CASKIN1: variants seen among roughly 807,000 people sequenced by gnomAD.
CASKIN1 encodes the protein caskin-1.
CASKIN1 carries 42 observed loss-of-function variants against 117.5 expected under a neutral mutation model. The ratio of observed to expected loss-of-function variants is 0.36; its 90% CI spans 0.28 to 0.46. The LOEUF (loss-of-function observed/expected upper bound fraction) is 0.46, where lower values mean the gene tolerates loss of function less well. Among genes scored for constraint, CASKIN1 ranks in the 20% least tolerant of loss-of-function variants. The pLI is 1.00. For synonymous variants in CASKIN1, 1,148 were observed against 961.7 expected (o/e 1.19, Z -3.59); for missense variants, 2,083 against 2,077.3 (o/e 1.00, Z -0.05).
chr16:2,184,778 T>A lies in CASKIN1; in HGVS notation c.1415A>T (p.Lys472Met). The A allele has an allele frequency of 6.6e-7, 1 of 1,517,588 alleles. No homozygotes were observed. The highest frequency in any genetic ancestry group is 8.8e-7 in the Non-Finnish European group (1 of 1,133,368). 94.0% of individuals were successfully genotyped at this position (1,517,588 alleles called of 1,614,324 possible). A position where few individuals can be genotyped will look rare whatever the true frequency, so the allele number is the denominator to read the frequency against. The change falls in exon 14 of 20, where the codon AAG becomes ATG. Residue 472 changes from lysine (K) to methionine (M), a missense_variant and splice_region_variant. Physicochemically the swap from Lys to Met is moderately conservative, Grantham distance 95 (BLOSUM62 -1). Transcript: ENST00000343516. Reference protein sequence around the residue: ...PKKLEPASEGKSSEAVSQWLT... With the variant: ...PKKLEPASEGMSSEAVSQWLT... Reference sequence around the variant, plus strand: ...TGAGAACACCCCCAAGCCCTGTACCTTGCCCTCCGATGCTGGCTCCAGCTT... The same window carrying A: ...TGAGAACACCCCCAAGCCCTGTACCATGCCCTCCGATGCTGGCTCCAGCTT...
At position 2,181,476 on chromosome 16, in the gene CASKIN1, A is replaced by T. The variant is rs1185097927; in HGVS notation, c.1892T>A (p.Ile631Asn). ...GGGCTCAGGCGGGGGCGGCGACTCG[A>T]TGGCCATCACTTCAAGAGACTGGGG... ...KAPQSLEVMA[I>N]ESPPPPEPTP... The change falls in exon 18 of 20, where the codon ATC (isoleucine) becomes AAC (asparagine). Residue 631 changes from isoleucine to asparagine, a missense_variant. By Grantham distance (149) the Ile-to-Asn change is moderately radical (BLOSUM62 -3). Transcript: ENST00000343516. 2 of 1,611,528 alleles carry T rather than the reference A, an allele frequency of 1.2e-6. No homozygotes were observed. Among genetic ancestry groups the T allele is most frequent in the South Asian group, 2.2e-5 (2 of 91,002 alleles).
intron 10 of CASKIN1, 37 bp downstream of exon 10, chr16:2,186,670 G>C: frequency 6.3e-7 from 1 of 1,577,394 alleles, no homozygotes; most frequent in Middle Eastern, 1.7e-4. Flanking sequence ...CAAGCCCAGG[G>C]GCTCCTGCCT....
At chr16:2,192,214 G>A (rs574981674) in intron 1 of CASKIN1, among the ~76,000 whole-genome samples, 8 of 152,102 alleles carry the variant, frequency 5.3e-5, no homozygotes, top group South Asian at 2.1e-4. Flanking sequence ...CGGGAGGATC[G>A]CTTGAGCCCA....
In CASKIN1 at chr16:2,186,994, G is replaced by A; in HGVS notation, c.914C>T (p.Ala305Val). 6.2e-7 allele frequency: 1 copy of A among 1,613,722 alleles called. No homozygotes were observed. The highest frequency in any genetic ancestry group is 8.5e-7 in the Non-Finnish European group (1 of 1,179,900). The change falls in exon 9 of 20, where the codon GCA (alanine) becomes GTA (valine). Residue 305 changes from alanine to valine, a missense_variant. Physicochemically the swap from Ala to Val is moderately conservative, Grantham distance 64. Coordinates refer to ENST00000343516, the MANE Select transcript of CASKIN1 (RefSeq NM_020764.4). ...NYDLTSLNVK[A>V]GDIITVLEQH... ...CATGCTTACTGTGATGATGTCCCCT[G>A]CCTTCACGTTGAGGCTGGTCAGGTC...
chr16:2,189,842 G>A (rs1246294583), intron 3 of CASKIN1, among the ~76,000 whole-genome samples: 2 of 151,998 alleles, frequency 1.3e-5, no homozygotes, highest in African/African-American at 2.4e-5. Flanking sequence ...GGGAATGCTG[G>A]GAGCTGACCC....
chr16:2,187,259 G>A lies in CASKIN1; in HGVS notation c.742C>T (p.His248Tyr), dbSNP rs1283062641. 6.2e-7 allele frequency: 1 copy of A among 1,614,030 alleles called. No individual in the cohort carries two copies. Among genetic ancestry groups the A allele is most frequent in the East Asian group, 2.2e-5 (1 of 44,874 alleles). ...RLLLDSGINA[H>Y]VRNTYSQTAL... The stretch of plus-strand genomic sequence containing the variant: ...GTCTGGCTGTAGGTGTTCCTCACGT[G>A]GGCATTGATCCCGCTCTGCACATGT... The change falls in exon 8 of 20, where the codon CAC (histidine) becomes TAC (tyrosine). Residue 248 changes from histidine (H) to tyrosine (Y), a missense_variant. His to Tyr is a moderately conservative substitution (Grantham distance 83, BLOSUM62 2). This residue lies in a region of CASKIN1 where 203 missense variants were observed against 338.7 expected (regional missense o/e 0.60). Coordinates refer to ENST00000343516, the MANE Select transcript of CASKIN1 (RefSeq NM_020764.4).
chr16:2,189,671 G>C, intron 3 of CASKIN1, 107 bp from the exon 4 acceptor site: 1 of 1,130,156 alleles, frequency 8.8e-7, no homozygotes, highest in Non-Finnish European at 1.2e-6. Flanking sequence ...AACCCTGGGG[G>C]GTGGGAGGGC....
intron 1 of CASKIN1, among the ~76,000 whole-genome samples, chr16:2,195,740 G>C (rs1330908329): frequency 6.6e-6 from 1 of 152,216 alleles, no homozygotes; most frequent in Non-Finnish European, 1.5e-5. Flanking sequence ...GCCCTGCCTG[G>C]AGTCCAGCCT....
intron 16 of CASKIN1, 78 bp downstream of exon 16, chr16:2,183,568 G>A (rs1412444217): frequency 2.8e-6 from 4 of 1,432,890 alleles, no homozygotes; most frequent in African/African-American, 2.8e-5. Context: ...TGGGAGTTGT[G>A]GCCAGGGAGG....
intron 13 of CASKIN1, 25 bp downstream of exon 13, chr16:2,184,926 T>C (rs1472775541): frequency 6.3e-7 from 1 of 1,584,042 alleles, no homozygotes; most frequent in African/African-American, 1.3e-5. Context: ...TCCATCGGGC[T>C]GCGTGGCAGC....
rs962874949 is a variant in CASKIN1, at chr16:2,178,074, C to A, written c.*476G>T. Reference sequence around the variant, plus strand: ...TTGTTAAAGTTATACCTTTTTGTTTCTCTGGGGAAATCCGCCTCAGCTCAT... The same window carrying A: ...TTGTTAAAGTTATACCTTTTTGTTTATCTGGGGAAATCCGCCTCAGCTCAT... On this transcript the variant is annotated 3_prime_UTR_variant, in exon 20 of 20. Coordinates refer to ENST00000343516, the MANE Select transcript of CASKIN1 (RefSeq NM_020764.4). 1 of 486,874 alleles carries A rather than the reference C, an allele frequency of 2.1e-6. No individual in the cohort carries two copies. Among genetic ancestry groups the A allele is most frequent in the Admixed American group, 2.6e-5 (1 of 37,902 alleles). 30.2% of individuals were successfully genotyped at this position (486,874 alleles called of 1,614,324 possible). A position where few individuals can be genotyped will look rare whatever the true frequency, so the allele number is the denominator to read the frequency against.
rs1053309270 is a variant in CASKIN1, at chr16:2,180,705, G to A, written c.2663C>T (p.Ala888Val). 3.4e-6 allele frequency: 5 copies of A among 1,480,152 alleles called. No homozygotes were observed. The highest frequency in any genetic ancestry group is 4.5e-6 in the Non-Finnish European group (5 of 1,121,844). 91.7% of individuals were successfully genotyped at this position (1,480,152 alleles called of 1,614,324 possible). A position where few individuals can be genotyped will look rare whatever the true frequency, so the allele number is the denominator to read the frequency against. ...GTCCCGCTCCGGCTCGCTGTCGGAC[G>A]CCGCATAGCGATTCAGGCTGTGGGC... ...KRAHSLNRYA[A>V]SDSEPERDEL... The change falls in exon 18 of 20, where the codon GCG becomes GTG. Residue 888 changes from alanine to valine, a missense_variant. Coordinates refer to ENST00000343516, the MANE Select transcript of CASKIN1 (RefSeq NM_020764.4).
chr16:2,193,320 A>C (rs1294977223), intron 1 of CASKIN1, among the ~76,000 whole-genome samples: 1 of 152,138 alleles, frequency 6.6e-6, no homozygotes, highest in Non-Finnish European at 1.5e-5. Flanking sequence ...CCCGGCCTGA[A>C]ATTCTTATTT....
At chr16:2,185,973 C>T (rs1179274739) in intron 10 of CASKIN1, among the ~76,000 whole-genome samples, 2 of 152,146 alleles carry the variant, frequency 1.3e-5, no homozygotes, top group African/African-American at 4.8e-5. Flanking sequence ...CACTTGAGTG[C>T]CTTTGTTTTA....
In CASKIN1 at chr16:2,178,037, TTAAA is replaced by T. The variant is rs1404855958; in HGVS notation, c.*509_*512del. 1.5e-5 allele frequency: 7 copies of T among 454,148 alleles called. No individual in the cohort carries two copies. 28.1% of individuals were successfully genotyped at this position (454,148 alleles called of 1,614,324 possible). On this transcript the variant is annotated 3_prime_UTR_variant, in exon 20 of 20. Transcript: ENST00000343516. ...TATAGAATCAATAATATTTCTTTCT[TTAAA>T]TATATATTTGTTAAAGTTATACCTT...
In CASKIN1 at chr16:2,180,525, G is replaced by A; in HGVS notation, c.2843C>T (p.Pro948Leu). ...VRPRKKGPPP[P>L]PPKRSSSALA... ...GGCCGAGCTGGAGCGCTTGGGTGGG[G>A]GCGGCGGGGGCCCCTTCTTTCGGGG... The change falls in exon 18 of 20, where the codon CCC becomes CTC. Residue 948 changes from proline (P) to leucine (L), a missense_variant. Physicochemically the swap from Pro to Leu is moderately conservative, Grantham distance 98 (BLOSUM62 -3). Transcript: ENST00000343516. 6.5e-7 allele frequency: 1 copy of A among 1,545,110 alleles called. No homozygotes were observed. The highest frequency in any genetic ancestry group is 8.7e-7 in the Non-Finnish European group (1 of 1,152,002).
Position 2,179,637 on chromosome 16 carries a change from G to A in CASKIN1, c.3731C>T (p.Thr1244Ile). Reference protein sequence around the residue: ...QPVPKLQGSPTPTSKKVPLPG... With the variant: ...QPVPKLQGSPIPTSKKVPLPG... The stretch of plus-strand genomic sequence containing the variant: ...CAGCGGCACCTTCTTGGAGGTGGGT[G>A]TGGGCGAGCCCTGGAGCTTGGGCAC... The change falls in exon 18 of 20, where the codon ACA becomes ATA. Residue 1244 changes from threonine to isoleucine, a missense_variant. This residue lies in a region of CASKIN1 where 1,818 missense variants were observed against 1,688.9 expected (regional missense o/e 1.08). Transcript: ENST00000343516. This position sits in a 1 kb window ranked among gnomAD's most constrained non-coding sequence, Gnocchi z 5.8. 1 of 1,483,464 alleles carries A rather than the reference G, an allele frequency of 6.7e-7. No individual in the cohort carries two copies. The allele number at this position is 1,483,464 out of a possible 1,614,324, so 91.9% of individuals were successfully genotyped here. A position where few individuals can be genotyped will look rare whatever the true frequency, so the allele number is the denominator to read the frequency against.
Position 2,180,657 on chromosome 16 carries a change from G to A in CASKIN1, c.2711C>T (p.Ala904Val), listed in dbSNP as rs778822379. Residue 904 changes from alanine to valine, a missense_variant, in exon 18 of 20, where the codon GCC becomes GTC. Ala to Val is a moderately conservative substitution (Grantham distance 64). Coordinates refer to ENST00000343516, the MANE Select transcript of CASKIN1 (RefSeq NM_020764.4). ...CCGCTGGACCGTGGCATAGGGGCCGGCAGCCGCAGGCACCAGCAGCTCGTC... is the reference window on the plus strand; with the variant it reads ...CCGCTGGACCGTGGCATAGGGGCCGACAGCCGCAGGCACCAGCAGCTCGTC... Reference protein sequence around the residue: ...ERDELLVPAAAGPYATVQRRV... With the variant: ...ERDELLVPAAVGPYATVQRRV... The A allele has an allele frequency of 1.3e-5, 20 of 1,526,858 alleles. No individual in the cohort carries two copies. Among genetic ancestry groups the A allele is most frequent in the Non-Finnish European group, 1.8e-5 (20 of 1,142,084 alleles). The allele number at this position is 1,526,858 out of a possible 1,614,324, so 94.6% of individuals were successfully genotyped here. A position where few individuals can be genotyped will look rare whatever the true frequency, so the allele number is the denominator to read the frequency against.
chr16:2,180,317 GC>G lies in CASKIN1; in HGVS notation c.3050del (p.Gly1017AlafsTer31). ...MLELSSIGGG[G>X]RAARRPPEGH... Reference sequence around the variant, plus strand: ...CCTCAGGAGGCCTGCGGGCAGCCCGGCCCCCACCCCCAATGGAGGACAGCTC... The same window carrying G: ...CCTCAGGAGGCCTGCGGGCAGCCCGGCCCCACCCCCAATGGAGGACAGCTC... On this transcript the variant is annotated frameshift_variant, in exon 18 of 20. Transcript: ENST00000343516. LOFTEE classifies it high-confidence loss of function. The G allele has an allele frequency of 1.3e-6, 2 of 1,595,216 alleles. No homozygotes were observed.
Sources: allele counts gnomAD v4.1 joint callset (sites outside exome capture counted in the v4.1 genomes callset), GRCh38; gene constraint gnomAD v4.1.1; regional missense constraint gnomAD v4.1.1; non-coding constraint Gnocchi (gnomAD v3.1); transcripts MANE v1.5; gene names NCBI Gene and HGNC (gene_info 2026-07-23, HGNC 2026-07-21).